VCAN: variants seen among roughly 807,000 people sequenced by gnomAD.
VCAN encodes versican core protein.
A neutral mutation model predicts 245.5 loss-of-function variants in VCAN; 44 were observed. The observed-to-expected ratio is 0.18, with a 90% CI of 0.14 to 0.23. The LOEUF is 0.23. VCAN is among the 10% of genes least tolerant of loss of function. The probability of loss-of-function intolerance (pLI) is 1.00; values close to 1 mark genes in which losing one functional copy is unlikely to be tolerated. For missense variants in VCAN, 3,793 were observed against 4,057.9 expected, an observed-to-expected ratio of 0.93 and a Z score of 1.77; for synonymous variants, 1,413 against 1,437.0, an observed-to-expected ratio of 0.98 and a Z score of 0.38.
At chr5:83,543,286 A>C (rs910215225) in intron 8 of VCAN, among the ~76,000 whole-genome samples, 10 of 152,348 alleles carry the variant, frequency 6.6e-5, no homozygotes, top group African/African-American at 2.2e-4. Flanking sequence ...TAAATTAACA[A>C]TGTCAGTGGA....
At chr5:83,474,869 A>G (rs1388503356) in intron 1 of VCAN, among the ~76,000 whole-genome samples, 3 of 151,964 alleles carry the variant, frequency 2.0e-5, no homozygotes, top group Non-Finnish European at 4.4e-5. Context: ...ATTTTATTTT[A>G]TTTTTGCTTG....
chr5:83,526,478 A>G (rs1363743316), intron 7 of VCAN, among the ~76,000 whole-genome samples: 2 of 152,098 alleles, frequency 1.3e-5, no homozygotes, highest in Non-Finnish European at 2.9e-5. Context: ...GACATCGAGA[A>G]CCTCACTCCC....
intron 7 of VCAN, chr5:83,536,204 G>A (rs1746699686): frequency 6.6e-6 from 1 of 152,134 alleles, no homozygotes; most frequent in African/African-American, 2.4e-5. Context: ...AGATGTTGAT[G>A]ACAAGAACTA....
chr5:83,554,119 A>T (rs309590), intron 11 of VCAN, among the ~76,000 whole-genome samples: 1 of 152,172 alleles, frequency 6.6e-6, no homozygotes. Flanking sequence ...AACTGCAGCA[A>T]AAAGGAGGGC....
intron 5 of VCAN, among the ~76,000 whole-genome samples, chr5:83,511,407 G>A (rs1745651619): frequency 6.6e-6 from 1 of 151,822 alleles, no homozygotes; most frequent in Admixed American, 6.6e-5. Context: ...GGCTGAGTGG[G>A]AGGCGACCTA....
At position 83,493,621 on chromosome 5, in the gene VCAN, A is replaced by C. The variant is rs1445528965; in HGVS notation, c.521A>C (p.Asp174Ala). 1 of 1,613,922 alleles carries C rather than the reference A, an allele frequency of 6.2e-7. No homozygotes were observed. Among genetic ancestry groups the C allele is most frequent in the African/African-American group, 1.3e-5 (1 of 74,872 alleles). Reference sequence around the variant, plus strand: ...GAGGCTGCTCAGAAGGCTTGTTTGGACGTTGGGGCAGTCATAGCAACTCCA... The same window carrying C: ...GAGGCTGCTCAGAAGGCTTGTTTGGCCGTTGGGGCAGTCATAGCAACTCCA... ...NFEAAQKACL[D>A]VGAVIATPEQ... The change falls in exon 4 of 15, where the codon GAC (aspartate) becomes GCC (alanine). Residue 174 changes from aspartate (D) to alanine (A), a missense_variant. Around this residue, in one of 5 missense-constraint regions of VCAN, gnomAD observed 190 missense variants for 288.6 expected, o/e 0.66. Transcript: ENST00000265077.
chr5:83,522,623 A>G (rs1463289820), intron 7 of VCAN, among the ~76,000 whole-genome samples: 1 of 152,222 alleles, frequency 6.6e-6, no homozygotes, highest in African/African-American at 2.4e-5. Flanking sequence ...GTGTCTTTTC[A>G]TACATTACTA....
rs774626898 is a variant in VCAN at position 83,541,350 on chromosome 5, G to C, written c.8347G>C (p.Ala2783Pro). ...LVDHTPYLSI[A>P]TTHLMDQSVT... Reference sequence around the variant, plus strand: ...AGACCATACTCCCTATCTAAGTATTGCTACTACCCACCTTATGGATCAGAG... The same window carrying C: ...AGACCATACTCCCTATCTAAGTATTCCTACTACCCACCTTATGGATCAGAG... The change falls in exon 8 of 15, where the codon GCT becomes CCT. Residue 2783 changes from alanine (A) to proline (P), a missense_variant. This residue lies in a region of VCAN where 3,182 missense variants were observed against 3,250.3 expected (regional missense o/e 0.98). Transcript: ENST00000265077. 1 of 1,614,024 alleles carries C rather than the reference G, an allele frequency of 6.2e-7. No individual in the cohort carries two copies. The highest frequency in any genetic ancestry group is 1.7e-4 in the Middle Eastern group (1 of 6,058).
chr5:83,541,357 C>T lies in VCAN; in HGVS notation c.8354C>T (p.Thr2785Ile), dbSNP rs1226079483. ...DHTPYLSIAT[T>I]HLMDQSVTEV... ...ACTCCCTATCTAAGTATTGCTACTA[C>T]CCACCTTATGGATCAGAGTGTAACA... is the stretch of plus-strand genomic sequence containing the variant. The change falls in exon 8 of 15, where the codon ACC (threonine) becomes ATC (isoleucine). Residue 2785 changes from threonine (T) to isoleucine (I), a missense_variant. Thr to Ile is a moderately conservative substitution (Grantham distance 89). This residue lies in a region of VCAN where 3,182 missense variants were observed against 3,250.3 expected (regional missense o/e 0.98). Coordinates refer to ENST00000265077, the MANE Select transcript of VCAN (RefSeq NM_004385.5). 1 of 1,614,100 alleles carries T rather than the reference C, an allele frequency of 6.2e-7. No individual in the cohort carries two copies. Among genetic ancestry groups the T allele is most frequent in the East Asian group, 2.2e-5 (1 of 44,870 alleles).
chr5:83,549,319 G>A (rs1455797387), intron 10 of VCAN, among the ~76,000 whole-genome samples: 2 of 152,154 alleles, frequency 1.3e-5, no homozygotes, highest in African/African-American at 4.8e-5. Flanking sequence ...ATAACTCTTG[G>A]CAGAGAATAA....
chr5:83,549,879 GT>G (rs1747394304), intron 10 of VCAN, among the ~76,000 whole-genome samples: 1 of 152,126 alleles, frequency 6.6e-6, no homozygotes, highest in South Asian at 2.1e-4. Context: ...AAGAACAAAT[GT>G]TTTCTTCATT....
At chr5:83,511,300 C>G (rs1282135307) in intron 5 of VCAN, among the ~76,000 whole-genome samples, 1 of 151,894 alleles carries the variant, frequency 6.6e-6, no homozygotes, top group Non-Finnish European at 1.5e-5. Context: ...CCTACTAGCA[C>G]TTGGGGTGTC....
At chr5:83,478,834 T>C (rs1448410697) in intron 1 of VCAN, among the ~76,000 whole-genome samples, 2 of 152,184 alleles carry the variant, frequency 1.3e-5, no homozygotes, top group Non-Finnish European at 2.9e-5. Context: ...CTGTTGGAAC[T>C]TTTACTATGG....
intron 7 of VCAN, among the ~76,000 whole-genome samples, chr5:83,524,573 TACC>T (rs1333717379): frequency 7.7e-5 from 10 of 129,816 alleles, no homozygotes; most frequent in African/African-American, 2.6e-4. Flanking sequence ...CCTACCTACC[TACC>T]TACCTACCTG....
At chr5:83,509,902 G>A (rs962485626) in intron 5 of VCAN, among the ~76,000 whole-genome samples, 4 of 152,332 alleles carry the variant, frequency 2.6e-5, no homozygotes, top group African/African-American at 9.6e-5. Flanking sequence ...TTGTAGCAGA[G>A]TTAGCTTTAT....
chr5:83,506,705 T>C (rs1745492817), intron 5 of VCAN, among the ~76,000 whole-genome samples: 1 of 152,160 alleles, frequency 6.6e-6, no homozygotes, highest in South Asian at 2.1e-4. Context: ...CTGGTACCAA[T>C]TTACTGTATT....
chr5:83,568,464 C>A (rs530954363), intron 12 of VCAN, among the ~76,000 whole-genome samples: 5 of 152,168 alleles, frequency 3.3e-5, no homozygotes, highest in Non-Finnish European at 7.3e-5. Context: ...AAATGTAATT[C>A]TCACCCAAAA....
chr5:83,507,492 C>T (rs1745517544), intron 5 of VCAN, among the ~76,000 whole-genome samples: 1 of 152,088 alleles, frequency 6.6e-6, no homozygotes, highest in Non-Finnish European at 1.5e-5. Flanking sequence ...TTTATGATAC[C>T]CTCTGGGTAG....
At position 83,541,275 on chromosome 5, in the gene VCAN, G is replaced by C. The variant is rs577603057; in HGVS notation, c.8272G>C (p.Gly2758Arg). 21 of 1,613,822 alleles carry C rather than the reference G, an allele frequency of 1.3e-5. No individual in the cohort carries two copies. In the African/African-American group the frequency reaches 2.1e-4, roughly 16 times the overall value. ...GGAGTATGAAGACAAAAAACATGCT[G>C]GTCCTTCTTTTCAGCCAGAATTCTC... is the stretch of plus-strand genomic sequence containing the variant. The part of the protein sequence containing the change: ...QEEYEDKKHA[G>R]PSFQPEFSSG... Residue 2758 changes from glycine to arginine, a missense_variant, in exon 8 of 15, where the codon GGT (glycine) becomes CGT (arginine). Around this residue, in one of 5 missense-constraint regions of VCAN, gnomAD observed 3,182 missense variants for 3,250.3 expected, o/e 0.98. Transcript: ENST00000265077.
Sources: allele counts gnomAD v4.1 joint callset (sites outside exome capture counted in the v4.1 genomes callset), GRCh38; gene constraint gnomAD v4.1.1; regional missense constraint gnomAD v4.1.1; transcripts MANE v1.5; gene names NCBI Gene and HGNC (gene_info 2026-07-23, HGNC 2026-07-21).